IFT81: variants seen among roughly 807,000 people sequenced by gnomAD.
IFT81 encodes intraflagellar transport 81.
Under a neutral mutation model 102.6 loss-of-function variants are expected in IFT81, and 72 were observed. The ratio of observed to expected loss-of-function variants is 0.70; its 90% CI spans 0.58 to 0.85. The LOEUF (loss-of-function observed/expected upper bound fraction) is 0.85, where lower values mean the gene tolerates loss of function less well. IFT81 is among the 40% of genes least tolerant of loss of function. The pLI is 0.00. For synonymous variants in IFT81, 237 were observed against 242.7 expected, an observed-to-expected ratio of 0.98 and a Z score of 0.22; for missense variants, 723 against 787.3, an observed-to-expected ratio of 0.92 and a Z score of 0.98.
At chr12:110,171,207 T>G (rs1272709239) in intron 11 of IFT81, among the ~76,000 whole-genome samples, 1 of 151,860 alleles carries the variant, frequency 6.6e-6, no homozygotes, top group African/African-American at 2.4e-5. Context: ...TAGTGTATTA[T>G]GCATGCAGTC....
At chr12:110,138,668 G>A (rs182814891) in intron 8 of IFT81, among the ~76,000 whole-genome samples, 140 of 152,246 alleles carry the variant, frequency 9.2e-4, no homozygotes, top group African/African-American at 3.2e-3. Context: ...CCCGACCTCA[G>A]GTGATCCACC....
At chr12:110,184,789 C>G (rs1897451533) in intron 12 of IFT81, among the ~76,000 whole-genome samples, 1 of 152,182 alleles carries the variant, frequency 6.6e-6, no homozygotes, top group African/African-American at 2.4e-5. Flanking sequence ...CCTTGTCAGG[C>G]AGGACTGGGC....
chr12:110,195,133 T>G (rs1262193841), intron 14 of IFT81, among the ~76,000 whole-genome samples: 2 of 152,194 alleles, frequency 1.3e-5, no homozygotes, highest in Non-Finnish European at 2.9e-5. Flanking sequence ...TTGGGTGGTA[T>G]TACTTTATGT....
chr12:110,140,107 T>A (rs1281607082), intron 8 of IFT81, among the ~76,000 whole-genome samples: 1 of 152,018 alleles, frequency 6.6e-6, no homozygotes, highest in Non-Finnish European at 1.5e-5. Context: ...GTATTAAATT[T>A]TTTTTTTTAA....
At chr12:110,155,374 G>A (rs1043849643) in intron 10 of IFT81, among the ~76,000 whole-genome samples, 8 of 151,940 alleles carry the variant, frequency 5.3e-5, no homozygotes, top group African/African-American at 1.5e-4. Flanking sequence ...ACAATGGCGC[G>A]ATCTCAGCTC....
At chr12:110,147,174 C>A in intron 10 of IFT81, 126 bp downstream of exon 10, 2 of 645,118 alleles carry the variant, frequency 3.1e-6, no homozygotes, top group Non-Finnish European at 4.9e-6. Context: ...CACTGCTAAT[C>A]TCCATAGTAT....
intron 17 of IFT81, among the ~76,000 whole-genome samples, chr12:110,206,017 A>C (rs1868576418): frequency 6.6e-6 from 1 of 152,192 alleles, no homozygotes; most frequent in African/African-American, 2.4e-5. Flanking sequence ...TCATCATCCC[A>C]AACAAAAACT....
chr12:110,145,960 GC>G (rs1895203884), intron 9 of IFT81, among the ~76,000 whole-genome samples: 1 of 151,810 alleles, frequency 6.6e-6, no homozygotes, highest in African/African-American at 2.4e-5. Context: ...ACAGGTGCAT[GC>G]CACCAAGCCC....
chr12:110,178,082 G>A (rs1002575509), intron 11 of IFT81, among the ~76,000 whole-genome samples: 8 of 150,316 alleles, frequency 5.3e-5, no homozygotes, highest in East Asian at 2.0e-4. Flanking sequence ...GTGACAGAGC[G>A]AGACTCTGTC....
intron 12 of IFT81, among the ~76,000 whole-genome samples, chr12:110,185,703 C>T (rs1199886828): frequency 1.3e-5 from 2 of 152,152 alleles, no homozygotes; most frequent in East Asian, 3.9e-4. Flanking sequence ...ACCTCCTGGG[C>T]TCAAGTGATT....
chr12:110,160,235 CA>C (rs1385554377), intron 10 of IFT81, among the ~76,000 whole-genome samples: 1 of 152,112 alleles, frequency 6.6e-6, no homozygotes, highest in Non-Finnish European at 1.5e-5. Flanking sequence ...AGTTACAAGG[CA>C]AAGTCTCATG....
chr12:110,165,934 G>A (rs948901562), intron 11 of IFT81, among the ~76,000 whole-genome samples: 1 of 152,178 alleles, frequency 6.6e-6, no homozygotes, highest in African/African-American at 2.4e-5. Context: ...TTGCATGGGT[G>A]GTATGTTAAC....
At chr12:110,193,038 C>CT (rs576693040) in intron 14 of IFT81, among the ~76,000 whole-genome samples, 100 of 152,140 alleles carry the variant, frequency 6.6e-4, no homozygotes, top group African/African-American at 2.3e-3. Flanking sequence ...TGGCATGCAC[C>CT]TGTAGCCCCA....
intron 10 of IFT81, among the ~76,000 whole-genome samples, chr12:110,159,905 G>T (rs965464570): frequency 2.6e-5 from 4 of 152,158 alleles, no homozygotes; most frequent in African/African-American, 9.7e-5. Context: ...TCACTTTACT[G>T]TCCAAGCTTT....
chr12:110,218,417 T>C lies in IFT81; in HGVS notation c.*191T>C, dbSNP rs575402914. 4.6e-6 allele frequency: 2 copies of C among 436,118 alleles called. No individual in the cohort carries two copies. The highest frequency in any genetic ancestry group is 1.6e-4 in the South Asian group (2 of 12,342). The allele number at this position is 436,118 out of a possible 1,614,324, so 27.0% of individuals were successfully genotyped here. ...TGTTTTTTCATATGAAAAAGAGGCT[T>C]TTATTCTTTTCCATAGTTTAGACAT... On this transcript the variant is annotated 3_prime_UTR_variant, in exon 19 of 19. Transcript: ENST00000242591.
intron 18 of IFT81, among the ~76,000 whole-genome samples, chr12:110,210,877 G>GTC: frequency 6.6e-6 from 1 of 151,406 alleles, no homozygotes; most frequent in African/African-American, 2.4e-5. Flanking sequence ...TCGAGACAGA[G>GTC]TCTCACTCTG....
intron 11 of IFT81, among the ~76,000 whole-genome samples, chr12:110,179,536 A>G (rs1289843081): frequency 6.6e-6 from 1 of 151,464 alleles, no homozygotes; most frequent in Non-Finnish European, 1.5e-5. Flanking sequence ...AGCCTGGGCA[A>G]CATAGGGAAA....
intron 10 of IFT81, among the ~76,000 whole-genome samples, chr12:110,154,489 G>A (rs1370984393): frequency 6.6e-6 from 1 of 151,442 alleles, no homozygotes; most frequent in African/African-American, 2.4e-5. Flanking sequence ...AAATTAGCCG[G>A]GCATGATGGT....
chr12:110,194,562 C>T (rs1245892521), intron 14 of IFT81, among the ~76,000 whole-genome samples: 1 of 152,130 alleles, frequency 6.6e-6, no homozygotes, highest in Admixed American at 6.5e-5. Context: ...GCGTGAGCCA[C>T]CACACCCACC....
Sources: allele counts gnomAD v4.1 joint callset (sites outside exome capture counted in the v4.1 genomes callset), GRCh38; gene constraint gnomAD v4.1.1; transcripts MANE v1.5; gene names NCBI Gene and HGNC (gene_info 2026-07-23, HGNC 2026-07-21).